The following CADPS variants were observed in gnomAD, a reference collection of about 807,000 sequenced individuals.
The protein encoded by CADPS is calcium-dependent secretion activator 1.
In CADPS, 57 loss-of-function variants were observed where a neutral mutation model predicts 167.3. That is an observed-to-expected ratio of 0.34 (90% CI 0.28 to 0.42). The LOEUF is 0.42. CADPS is among the 20% of genes least tolerant of loss of function. The pLI, the probability that CADPS is intolerant of heterozygous loss-of-function variation, is 1.00. For missense variants in CADPS, 1,414 were observed against 1,738.1 expected, an observed-to-expected ratio of 0.81 and a Z score of 3.32; for synonymous variants, 676 against 635.3, an observed-to-expected ratio of 1.06 and a Z score of -0.96.
intron 3 of CADPS, among the ~76,000 whole-genome samples, chr3:62,749,778 T>C (rs1219594575): frequency 6.6e-6 from 1 of 152,182 alleles, no homozygotes; most frequent in African/African-American, 2.4e-5. Context: ...GCTACCTGCC[T>C]ATGCAGACTT....
intron 8 of CADPS, among the ~76,000 whole-genome samples, chr3:62,574,585 T>C (rs745805790): frequency 1.7e-4 from 26 of 152,232 alleles, no homozygotes; most frequent in Non-Finnish European, 3.2e-4. Context: ...TAAAATAATA[T>C]ATTAATGTTT....
chr3:62,513,656 C>T, intron 16 of CADPS: 1 of 1,593,062 alleles, frequency 6.3e-7, no homozygotes. Flanking sequence ...AAATCCATCA[C>T]TTGGGAGGCC....
chr3:62,480,017 G>A (rs541697449), intron 22 of CADPS, among the ~76,000 whole-genome samples: 1 of 151,824 alleles, frequency 6.6e-6, no homozygotes, highest in African/African-American at 2.4e-5. Flanking sequence ...ACAACATTTT[G>A]ACACCCATCT....
chr3:62,825,352 G>A (rs913851515), intron 1 of CADPS, among the ~76,000 whole-genome samples: 2 of 152,100 alleles, frequency 1.3e-5, no homozygotes, highest in African/African-American at 4.8e-5. Flanking sequence ...GGCTCTCAAA[G>A]TGTGGTATGC....
intron 22 of CADPS, among the ~76,000 whole-genome samples, chr3:62,479,593 A>G (rs2061721096): frequency 6.6e-6 from 1 of 152,272 alleles, no homozygotes; most frequent in Non-Finnish European, 1.5e-5. Flanking sequence ...ACGCCCAAGC[A>G]TGCTGAGAGG....
chr3:62,718,074 C>T (rs2085034356), intron 3 of CADPS, among the ~76,000 whole-genome samples: 2 of 152,040 alleles, frequency 1.3e-5, no homozygotes, highest in South Asian at 2.1e-4. Context: ...GAAATCACTC[C>T]TCCCTTTTCT....
Position 62,875,227 on chromosome 3 carries a change from G to A in CADPS, c.-198C>T. The A allele has an allele frequency of 1.8e-6, 1 of 562,648 alleles. No individual in the cohort carries two copies. The highest frequency in any genetic ancestry group is 2.6e-6 in the Non-Finnish European group (1 of 382,994). 34.9% of individuals were successfully genotyped at this position (562,648 alleles called of 1,614,324 possible). A position where few individuals can be genotyped will look rare whatever the true frequency, so the allele number is the denominator to read the frequency against. On this transcript the variant is annotated 5_prime_UTR_variant, in exon 1 of 30. Transcript: ENST00000383710. The stretch of plus-strand genomic sequence containing the variant: ...TCGCGAGCTGGGCTCAGACCCAGAA[G>A]CGCGAAGGGAGGAGGGGAAGGGAGA...
chr3:62,464,340 C>T lies in CADPS; in HGVS notation c.3636+1027G>A, dbSNP rs1042985352. On this transcript the variant is annotated intron_variant, in intron 26 of 29. Transcript: ENST00000383710. ...CTGTGCTGGGCCTTGTCTTGGCATT[C>T]AGTCACTATCTGGGAGATTCTTCAT... 2.0e-5 allele frequency among the ~76,000 whole-genome samples: 3 copies of T among 152,198 alleles called. No homozygotes were observed. In the East Asian group the frequency reaches 5.8e-4, roughly 29 times the overall value.
At chr3:62,468,547 A>G (rs1239009425) in intron 24 of CADPS, among the ~76,000 whole-genome samples, 1 of 152,166 alleles carries the variant, frequency 6.6e-6, no homozygotes, top group Non-Finnish European at 1.5e-5. Flanking sequence ...CAAGAGAAAC[A>G]AGCTTTCTCT....
intron 28 of CADPS, among the ~76,000 whole-genome samples, chr3:62,431,295 G>T (rs2053890840): frequency 6.6e-6 from 1 of 152,116 alleles, no homozygotes. Context: ...TACCCACCCA[G>T]CTCAGATAGC....
At chr3:62,714,057 A>T (rs1447896778) in intron 3 of CADPS, among the ~76,000 whole-genome samples, 2 of 152,162 alleles carry the variant, frequency 1.3e-5, no homozygotes, top group Non-Finnish European at 2.9e-5. Context: ...AGATGAGGCC[A>T]TTGAGGCTCA....
intron 3 of CADPS, among the ~76,000 whole-genome samples, chr3:62,744,610 A>C (rs1015725688): frequency 7.2e-5 from 11 of 152,240 alleles, no homozygotes; most frequent in Admixed American, 6.5e-4. Context: ...GTTGTTTGGC[A>C]AAAGGTAGAA....
Position 62,833,252 on chromosome 3 carries a change from A to G in CADPS, c.441+41337T>C, listed in dbSNP as rs1227745084. On this transcript the variant is annotated intron_variant, in intron 1 of 29. Coordinates refer to ENST00000383710, the MANE Select transcript of CADPS (RefSeq NM_003716.4). ...TTACTGCAGCCTCAACCTCCCCAGG[A>G]TCCTCCAACCTTAGCCTCTTGAATA... 1.3e-4 allele frequency among the ~76,000 whole-genome samples: 20 copies of G among 152,012 alleles called. No individual in the cohort carries two copies. The East Asian group carries it at 3.5e-3, about 27-fold the overall frequency.
chr3:62,587,092 G>C (rs538280801), intron 7 of CADPS, among the ~76,000 whole-genome samples: 2 of 152,188 alleles, frequency 1.3e-5, no homozygotes, highest in African/African-American at 4.8e-5. Flanking sequence ...TGATATGAGT[G>C]ACAGAGTGTT....
chr3:62,458,883 G>A lies in CADPS; in HGVS notation c.3636+6484C>T, dbSNP rs1474630272. Among the ~76,000 whole-genome samples the A allele has an allele frequency of 6.6e-6, 1 of 152,206 alleles. No individual in the cohort carries two copies. The highest frequency in any genetic ancestry group is 1.5e-5 in the Non-Finnish European group (1 of 68,036). ...TGTTTGCTTTGAATGATATTCAGCT[G>A]TTCACTACACAATATTAAGTGAAAT... On this transcript the variant is annotated intron_variant, in intron 26 of 29. Coordinates refer to ENST00000383710, the MANE Select transcript of CADPS (RefSeq NM_003716.4). The surrounding 1 kb of genome is among the most constrained non-coding windows in gnomAD (Gnocchi z 4.6).
intron 6 of CADPS, among the ~76,000 whole-genome samples, chr3:62,608,265 T>A (rs933474207): frequency 6.6e-6 from 1 of 151,066 alleles, no homozygotes; most frequent in South Asian, 2.1e-4. Flanking sequence ...AAAAACTGTA[T>A]GAAAGTTGTT....
chr3:62,840,166 G>A (rs774882146), intron 1 of CADPS, among the ~76,000 whole-genome samples: 1 of 152,150 alleles, frequency 6.6e-6, no homozygotes, highest in Non-Finnish European at 1.5e-5. Context: ...GGCCTCGCAA[G>A]TTCTTATTTA....
chr3:62,762,185 T>G (rs1478470199), intron 2 of CADPS, among the ~76,000 whole-genome samples: 1 of 152,210 alleles, frequency 6.6e-6, no homozygotes, highest in African/African-American at 2.4e-5. Flanking sequence ...ATTCAGCAGT[T>G]GGCCCTCTGT....
intron 3 of CADPS, among the ~76,000 whole-genome samples, chr3:62,672,782 G>T (rs1424030746): frequency 7.9e-5 from 12 of 152,060 alleles, no homozygotes; most frequent in Admixed American, 7.9e-4. Flanking sequence ...ATCATGCCCA[G>T]CTGATTTTTG....
Sources: gnomAD v4.1 joint callset for allele counts (sites outside exome capture counted in the v4.1 genomes callset) on GRCh38, gnomAD v4.1.1 for gene constraint, Gnocchi (gnomAD v3.1) non-coding constraint, MANE v1.5 for transcripts, NCBI Gene and HGNC (gene_info 2026-07-23, HGNC 2026-07-21) for gene names.